The following ACO2 variants were observed in gnomAD, a reference collection of about 807,000 sequenced individuals.
ACO2 encodes the protein aconitase 2, also known as aconitate hydratase, mitochondrial.
In ACO2, 31 loss-of-function variants were observed where a neutral mutation model predicts 84.5. That is an observed-to-expected ratio of 0.37 (90% CI 0.28 to 0.50). The LOEUF is 0.50. ACO2 is among the 20% of genes least tolerant of loss of function. The pLI is 0.97. For missense variants in ACO2, 685 were observed against 1,029.3 expected (o/e 0.67, Z 4.58); for synonymous variants, 414 against 412.7 (o/e 1.00, Z -0.04).
At chr22:41,506,832 T>G (rs2066396621) in intron 2 of ACO2, among the ~76,000 whole-genome samples, 1 of 151,922 alleles carries the variant, frequency 6.6e-6, no homozygotes, top group African/African-American at 2.4e-5. Context: ...CTTTGAGAAT[T>G]CTGGGGGGCA....
In ACO2 at chr22:41,502,706, T is replaced by C. The variant is rs1013009070; in HGVS notation, c.173+2844T>C. Among the ~76,000 whole-genome samples, 8 of 152,186 alleles carry C rather than the reference T, an allele frequency of 5.3e-5. No individual in the cohort carries two copies. The South Asian group carries it at 6.2e-4, about 12-fold the overall frequency. On this transcript the variant is annotated intron_variant, in intron 2 of 17. Transcript: ENST00000216254. The stretch of plus-strand genomic sequence containing the variant: ...TCACTGCAACCTCCACCTCCCAGGC[T>C]CAAGCGATTGTCCTGCCTCAGCCTC...
At chr22:41,518,130 C>T (rs2066490081) in intron 7 of ACO2, among the ~76,000 whole-genome samples, 1 of 152,192 alleles carries the variant, frequency 6.6e-6, no homozygotes, top group Non-Finnish European at 1.5e-5. Context: ...AACGAGGAGC[C>T]AGAGACCAGG....
intron 9 of ACO2, among the ~76,000 whole-genome samples, chr22:41,521,035 C>CAAAAAA (rs375633363): frequency 3.7e-5 from 3 of 81,612 alleles, no homozygotes; most frequent in African/African-American, 1.4e-4. Flanking sequence ...AGCCTGCCTC[C>CAAAAAA]AAAAAAAAAA....
Position 41,527,923 on chromosome 22 carries a change from C to A in ACO2, c.2109C>A (p.Gly703=), listed in dbSNP as rs759138523. The A allele has an allele frequency of 6.2e-7, 1 of 1,614,200 alleles. No homozygotes were observed. Among genetic ancestry groups the A allele is most frequent in the South Asian group, 1.1e-5 (1 of 91,084 alleles). Residue 703 remains glycine (G), a synonymous_variant, in exon 17 of 18, where the codon GGC becomes GGA. Transcript: ENST00000216254. The part of the protein sequence containing the change: ...RIHETNLKKQ[G]LLPLTFADPA... ...CAGAGACCAACCTGAAGAAACAGGGCCTGCTGCCTCTGACCTTCGCTGACC... is the reference window on the plus strand; with the variant it reads ...CAGAGACCAACCTGAAGAAACAGGGACTGCTGCCTCTGACCTTCGCTGACC...
chr22:41,505,015 G>A (rs1202844673), intron 2 of ACO2, among the ~76,000 whole-genome samples: 1 of 151,848 alleles, frequency 6.6e-6, no homozygotes, highest in African/African-American at 2.4e-5. Context: ...ACACCCAGCT[G>A]GGAACTCTTA....
At chr22:41,527,257 C>CCCG in intron 15 of ACO2, 31 bp from the exon 16 acceptor site, 1 of 1,613,890 alleles carries the variant, frequency 6.2e-7, no homozygotes, top group Non-Finnish European at 8.5e-7. Context: ...CCCTCCTCTG[C>CCCG]CTTATAACCT....
intron 1 of ACO2, among the ~76,000 whole-genome samples, chr22:41,475,711 G>A (rs1472685183): frequency 6.6e-6 from 1 of 151,766 alleles, no homozygotes; most frequent in Non-Finnish European, 1.5e-5. Flanking sequence ...TGGCCAATAT[G>A]GTGAAACCCC....
At chr22:41,499,909 G>T in intron 2 of ACO2, 47 bp downstream of exon 2, 1 of 1,603,244 alleles carries the variant, frequency 6.2e-7, no homozygotes, top group Non-Finnish European at 8.5e-7. Flanking sequence ...CATTGCGTCT[G>T]CTGCCTGCCC....
At chr22:41,477,893 C>T (rs1003638828) in intron 1 of ACO2, among the ~76,000 whole-genome samples, 4 of 151,870 alleles carry the variant, frequency 2.6e-5, no homozygotes, top group African/African-American at 4.8e-5. Context: ...AGTGAAACCC[C>T]GTCTCTACTA....
chr22:41,480,786 T>C (rs1401467158), intron 1 of ACO2, among the ~76,000 whole-genome samples: 1 of 152,200 alleles, frequency 6.6e-6, no homozygotes, highest in Non-Finnish European at 1.5e-5. Context: ...CAAGTCTTTC[T>C]AATCCTCACA....
intron 1 of ACO2, among the ~76,000 whole-genome samples, chr22:41,487,044 C>T (rs574262163): frequency 7.4e-4 from 113 of 152,076 alleles, no homozygotes; most frequent in South Asian, 1.7e-3. Flanking sequence ...CCACTACGTC[C>T]GGCTAATTTT....
At chr22:41,484,270 T>G (rs2038123957) in intron 1 of ACO2, among the ~76,000 whole-genome samples, 1 of 152,188 alleles carries the variant, frequency 6.6e-6, no homozygotes, top group Non-Finnish European at 1.5e-5. Context: ...CCCTGACACC[T>G]GTTCAGTGTG....
At position 41,527,270 on chromosome 22, in the gene ACO2, C is replaced by T. The variant is rs1569025389; in HGVS notation, c.1954-18C>T. On this transcript the variant is annotated intron_variant, in intron 15 of 17. Coordinates refer to ENST00000216254, the MANE Select transcript of ACO2 (RefSeq NM_001098.3). ...TGCCCTCCTCTGCCTTATAACCTTACCCCCGCTTGCCTGACAGAAACATGG... is the reference window on the plus strand; with the variant it reads ...TGCCCTCCTCTGCCTTATAACCTTATCCCCGCTTGCCTGACAGAAACATGG... 10 of 1,614,130 alleles carry T rather than the reference C, an allele frequency of 6.2e-6. No individual in the cohort carries two copies. Among genetic ancestry groups the T allele is most frequent in the Non-Finnish European group, 7.6e-6 (9 of 1,179,998 alleles).
chr22:41,496,768 A>G (rs1002994133), intron 1 of ACO2, among the ~76,000 whole-genome samples: 3 of 152,142 alleles, frequency 2.0e-5, no homozygotes, highest in African/African-American at 7.2e-5. Context: ...GGGCAAATGG[A>G]TGTGAAGTCT....
intron 1 of ACO2, 119 bp downstream of exon 1, chr22:41,469,301 T>G: frequency 1.6e-6 from 2 of 1,274,178 alleles, no homozygotes; most frequent in Non-Finnish European, 2.1e-6. Context: ...CGTGTACCTG[T>G]CCCGGTTGTG....
intron 15 of ACO2, 61 bp downstream of exon 15, chr22:41,526,514 G>A (rs1438756732): frequency 1.9e-6 from 3 of 1,545,840 alleles, no homozygotes; most frequent in South Asian, 1.2e-5. Context: ...TGCAAGGCAG[G>A]TGCAGGGAGG....
chr22:41,517,784 AAT>A (rs1250762372), intron 7 of ACO2, among the ~76,000 whole-genome samples, 153 bp downstream of exon 7: 13 of 152,150 alleles, frequency 8.5e-5, no homozygotes, highest in Non-Finnish European at 1.9e-4. Context: ...GAAGAGGTGC[AAT>A]ATGTTTCTGA....
intron 1 of ACO2, among the ~76,000 whole-genome samples, chr22:41,491,773 A>G (rs574743644): frequency 7.2e-5 from 11 of 152,320 alleles, no homozygotes; most frequent in South Asian, 6.2e-4. Context: ...ATTTTTATCA[A>G]TGCTGTGAAG....
chr22:41,499,806 C>G lies in ACO2; in HGVS notation c.117C>G (p.Pro39=), dbSNP rs150780126. 71 of 1,614,024 alleles carry G rather than the reference C, an allele frequency of 4.4e-5. No individual in the cohort carries two copies. Among genetic ancestry groups the G allele is most frequent in the Non-Finnish European group, 5.1e-6 (6 of 1,180,046 alleles). Residue 39 remains proline, a synonymous_variant, in exon 2 of 18, where the codon CCC becomes CCG. Transcript: ENST00000216254. ...RAKVAMSHFE[P]NEYIHYDLLE... is the part of the protein sequence containing the mutation. Reference sequence around the variant, plus strand: ...AGGTGGCGATGAGCCACTTTGAGCCCAACGAGTACATCCATTATGACCTGC... The same window carrying G: ...AGGTGGCGATGAGCCACTTTGAGCCGAACGAGTACATCCATTATGACCTGC...
Sources: allele counts gnomAD v4.1 joint callset (sites outside exome capture counted in the v4.1 genomes callset), GRCh38; gene constraint gnomAD v4.1.1; transcripts MANE v1.5; gene names NCBI Gene and HGNC (gene_info 2026-07-23, HGNC 2026-07-21).